TXNDC12: variants seen among roughly 807,000 people sequenced by gnomAD.
TXNDC12 encodes thioredoxin domain containing 12.
A neutral mutation model predicts 24.2 loss-of-function variants in TXNDC12; 22 were observed. That is an observed-to-expected ratio of 0.91 (90% confidence interval 0.65 to 1.30). The LOEUF (loss-of-function observed/expected upper bound fraction) is 1.30, where lower values mean the gene tolerates loss of function less well. TXNDC12 is among the 50% of genes most tolerant of loss of function. TXNDC12 has a pLI of 0.00. For missense variants in TXNDC12, 184 were observed against 205.8 expected (o/e 0.89, Z 0.65); for synonymous variants, 58 against 73.4 (o/e 0.79, Z 1.07).
At chr1:52,050,265 A>G (rs1686175920) in intron 1 of TXNDC12, among the ~76,000 whole-genome samples, 1 of 152,188 alleles carries the variant, frequency 6.6e-6, no homozygotes, top group Non-Finnish European at 1.5e-5. Flanking sequence ...TTACCTTGTT[A>G]CTAAAAACAT....
intron 2 of TXNDC12, chr1:52,033,097 C>A (rs1303610944): frequency 1.2e-6 from 2 of 1,610,828 alleles, no homozygotes; most frequent in Non-Finnish European, 8.5e-7. Flanking sequence ...CCAGCGATTC[C>A]GAGAATCGGG....
intron 1 of TXNDC12, among the ~76,000 whole-genome samples, chr1:52,046,972 G>T (rs1180372461): frequency 6.6e-6 from 1 of 151,622 alleles, no homozygotes; most frequent in African/African-American, 2.4e-5. Flanking sequence ...GAACTTGGGA[G>T]GCGAAGGTTG....
At chr1:52,032,942 A>G (rs768181978) in intron 2 of TXNDC12, 2 of 1,598,176 alleles carry the variant, frequency 1.3e-6, no homozygotes, top group Non-Finnish European at 1.7e-6. Context: ...ACCTGGTCCA[A>G]CTGGTGCAGA....
chr1:52,032,749 A>T, intron 2 of TXNDC12: 1 of 1,613,972 alleles, frequency 6.2e-7, no homozygotes, highest in Non-Finnish European at 8.5e-7. Flanking sequence ...CAGTTGCGGC[A>T]AGTTCTCATT....
At chr1:52,053,231 C>T (rs1055933044) in intron 1 of TXNDC12, among the ~76,000 whole-genome samples, 4 of 152,060 alleles carry the variant, frequency 2.6e-5, no homozygotes, top group African/African-American at 9.6e-5. Context: ...CCACTCCACT[C>T]CAGCCTGGCA....
chr1:52,020,814 G>T lies in TXNDC12; in HGVS notation c.*119C>A. 1.3e-6 allele frequency: 1 copy of T among 760,248 alleles called. No individual in the cohort carries two copies. The highest frequency in any genetic ancestry group is 2.2e-6 in the Non-Finnish European group (1 of 454,964). The allele number at this position is 760,248 out of a possible 1,614,324, so 47.1% of individuals were successfully genotyped here. The stretch of plus-strand genomic sequence containing the variant: ...CCACAGTGAGAGCGCTCCTTCCAGT[G>T]TAGGTAGGAATGAGGTTTCCTGGTC... On this transcript the variant is annotated 3_prime_UTR_variant, in exon 7 of 7. Coordinates refer to ENST00000371626, the MANE Select transcript of TXNDC12 (RefSeq NM_015913.4).
intron 1 of TXNDC12, among the ~76,000 whole-genome samples, chr1:52,045,357 C>T (rs1246759614): frequency 6.6e-6 from 1 of 152,046 alleles, no homozygotes; most frequent in East Asian, 1.9e-4. Context: ...ATTGTGTCCC[C>T]CACCCCACTC....
intron 6 of TXNDC12, 53 bp from the exon 7 acceptor site, chr1:52,021,065 T>C (rs916357535): frequency 7.8e-7 from 1 of 1,288,590 alleles, no homozygotes; most frequent in Non-Finnish European, 1.1e-6. Flanking sequence ...TGTTTGACAT[T>C]TGACAACCAA....
chr1:52,053,761 C>A (rs768984403), intron 1 of TXNDC12, among the ~76,000 whole-genome samples: 1 of 152,202 alleles, frequency 6.6e-6, no homozygotes, highest in Non-Finnish European at 1.5e-5. Context: ...ATTTGTCATG[C>A]AGTTTCATCA....
At chr1:52,052,033 C>A (rs1191319764) in intron 1 of TXNDC12, among the ~76,000 whole-genome samples, 1 of 152,158 alleles carries the variant, frequency 6.6e-6, no homozygotes, top group African/African-American at 2.4e-5. Context: ...GTGTCCGACA[C>A]AATATTAAGT....
intron 4 of TXNDC12, among the ~76,000 whole-genome samples, chr1:52,026,923 C>A (rs968459661): frequency 6.6e-6 from 1 of 152,016 alleles, no homozygotes. Context: ...GTAGTCCCAA[C>A]CACTCGGGAG....
intron 1 of TXNDC12, among the ~76,000 whole-genome samples, chr1:52,054,532 C>T (rs1686287578): frequency 6.6e-6 from 1 of 152,244 alleles, no homozygotes; most frequent in Non-Finnish European, 1.5e-5. Flanking sequence ...CTAGATACAG[C>T]TACCTGGGAT....
intron 2 of TXNDC12, among the ~76,000 whole-genome samples, chr1:52,040,990 G>A (rs970069523): frequency 2.7e-5 from 4 of 150,220 alleles, no homozygotes; most frequent in Admixed American, 1.3e-4. Flanking sequence ...AATGAAGATC[G>A]CACCACTGCA....
intron 2 of TXNDC12, chr1:52,033,535 A>C (rs1310364397): frequency 1.2e-6 from 2 of 1,613,966 alleles, no homozygotes; most frequent in South Asian, 1.1e-5. Context: ...GTCCAGGATG[A>C]CCACGTCGTG....
chr1:52,045,039 C>G (rs1686064728), intron 1 of TXNDC12, among the ~76,000 whole-genome samples: 1 of 150,638 alleles, frequency 6.6e-6, no homozygotes, highest in African/African-American at 2.4e-5. Flanking sequence ...ATTAAAAATA[C>G]AGTTTTGTTG....
chr1:52,025,961 T>C (rs1029701683), intron 4 of TXNDC12, among the ~76,000 whole-genome samples: 1 of 151,990 alleles, frequency 6.6e-6, no homozygotes, highest in African/African-American at 2.4e-5. Flanking sequence ...CCCTAGTAGC[T>C]GGGACTACAG....
Position 52,021,007 on chromosome 1 carries a change from G to A in TXNDC12, c.445C>T (p.Gln149Ter). 1 of 1,612,378 alleles carries A rather than the reference G, an allele frequency of 6.2e-7. No homozygotes were observed. Among genetic ancestry groups the A allele is most frequent in the African/African-American group, 1.3e-5 (1 of 74,988 alleles). Residue 149 changes from glutamine to a stop codon, truncating the protein, a stop_gained, in exon 7 of 7, where the codon CAG (glutamine) becomes TAG (stop). Coordinates refer to ENST00000371626, the MANE Select transcript of TXNDC12 (RefSeq NM_015913.4). LOFTEE classifies it high-confidence loss of function. ...CTTTCCTGAGCTTCCTTCATCCCCT[G>A]AACAACTGTGAAATAAAGATTGGAG... is the stretch of plus-strand genomic sequence containing the variant. ...YFYVSAEQVV[Q>*]GMKEAQERLT...
intron 2 of TXNDC12, among the ~76,000 whole-genome samples, chr1:52,029,090 T>C (rs1045399618): frequency 3.3e-5 from 5 of 152,306 alleles, no homozygotes; most frequent in African/African-American, 7.2e-5. Context: ...ACCGCACCAC[T>C]ACACTCCAGC....
chr1:52,055,390 A>T (rs2783188), upstream of TXNDC12: 364,335 of 381,458 alleles, frequency 0.96, 175,308 homozygotes, highest in Non-Finnish European at 1. Context: ...GGAGCGGGAA[A>T]ATGTAGGCCA....
Sources: gnomAD v4.1 joint callset for allele counts (sites outside exome capture counted in the v4.1 genomes callset) on GRCh38, gnomAD v4.1.1 for gene constraint, MANE v1.5 for transcripts, NCBI Gene and HGNC (gene_info 2026-07-23, HGNC 2026-07-21) for gene names.